DLG2: variants seen among roughly 807,000 people sequenced by gnomAD.
DLG2 encodes the protein discs large MAGUK scaffold protein 2, also known as disks large homolog 2.
In DLG2, 45 loss-of-function variants were observed where a neutral mutation model predicts 132.5. That is an observed-to-expected ratio of 0.34 (90% CI 0.27 to 0.44). DLG2 has a LOEUF of 0.44. Ranked by LOEUF, DLG2 falls within the 20% of genes least tolerant of loss-of-function variation. DLG2 has a pLI of 1.00. For missense variants in DLG2, 1,045 were observed against 1,196.9 expected (o/e 0.87, Z 1.87); for synonymous variants, 424 against 419.6 (o/e 1.01, Z -0.13).
intron 6 of DLG2, among the ~76,000 whole-genome samples, chr11:84,951,838 AATAT>A (rs2050970620): frequency 6.6e-6 from 1 of 152,026 alleles, no homozygotes; most frequent in Non-Finnish European, 1.5e-5. Flanking sequence ...ATCATTCTGA[AATAT>A]ATATAGGCAT....
intron 6 of DLG2, among the ~76,000 whole-genome samples, chr11:85,018,019 G>C (rs1222906337): frequency 6.6e-6 from 1 of 152,174 alleles, no homozygotes; most frequent in Non-Finnish European, 1.5e-5. Flanking sequence ...TGGAAAATAT[G>C]TGAGATACCC....
At chr11:84,036,722 T>A (rs1349492423) in intron 11 of DLG2, among the ~76,000 whole-genome samples, 1 of 152,178 alleles carries the variant, frequency 6.6e-6, no homozygotes, top group East Asian at 1.9e-4. Context: ...AACTTGTGAA[T>A]TACAATAACA....
chr11:84,126,883 A>G (rs1318561060), intron 9 of DLG2, among the ~76,000 whole-genome samples: 1 of 152,184 alleles, frequency 6.6e-6, no homozygotes, highest in Admixed American at 6.5e-5. Flanking sequence ...AATTCCTTGT[A>G]CAATGTTGGG....
intron 21 of DLG2, among the ~76,000 whole-genome samples, chr11:83,522,228 T>G (rs2095499403): frequency 6.6e-6 from 1 of 152,164 alleles, no homozygotes; most frequent in African/African-American, 2.4e-5. Flanking sequence ...TCACATGGAG[T>G]AGGCTCTCCC....
intron 8 of DLG2, among the ~76,000 whole-genome samples, chr11:84,164,961 T>C (rs1049961643): frequency 1.3e-5 from 2 of 152,218 alleles, no homozygotes; most frequent in South Asian, 2.1e-4. Context: ...AGCAGCTTTC[T>C]AGAGGGTTTT....
At chr11:84,269,000 G>A (rs1263884647) in intron 7 of DLG2, among the ~76,000 whole-genome samples, 1 of 147,502 alleles carries the variant, frequency 6.8e-6, no homozygotes, top group East Asian at 2.0e-4. Flanking sequence ...TTGGGAGGAT[G>A]TTTTATTTCT....
At chr11:85,015,149 G>T (rs1413208409) in intron 6 of DLG2, among the ~76,000 whole-genome samples, 1 of 152,138 alleles carries the variant, frequency 6.6e-6, no homozygotes, top group East Asian at 1.9e-4. Context: ...CCAAAATTGT[G>T]TGCAATTGAT....
chr11:84,165,665 T>C (rs925707407), intron 8 of DLG2, among the ~76,000 whole-genome samples: 7 of 152,008 alleles, frequency 4.6e-5, no homozygotes, highest in African/African-American at 1.7e-4. Context: ...TTTGGGAGGC[T>C]GATGCAGGCA....
Position 84,283,912 on chromosome 11 carries a change from T to A in DLG2, c.520-32621A>T, listed in dbSNP as rs1334143551. 6.6e-5 allele frequency among the ~76,000 whole-genome samples: 10 copies of A among 152,094 alleles called. No homozygotes were observed. The East Asian group carries it at 1.9e-3, about 29-fold the overall frequency. On this transcript the variant is annotated intron_variant, in intron 7 of 27. Transcript: ENST00000376104. ...CAGGATTTTCTGTATTAAAAAGATC[T>A]ATGGTGAATTCAGCCATGACTCTTA...
At chr11:84,701,808 C>G (rs2059253990) in intron 6 of DLG2, among the ~76,000 whole-genome samples, 1 of 151,630 alleles carries the variant, frequency 6.6e-6, no homozygotes, top group African/African-American at 2.4e-5. Context: ...AAGCCCCGAA[C>G]AGTGCCTTCA....
intron 6 of DLG2, among the ~76,000 whole-genome samples, chr11:84,721,507 T>G (rs555593338): frequency 4.0e-5 from 6 of 151,710 alleles, no homozygotes; most frequent in Non-Finnish European, 7.4e-5. Context: ...TTGTTTGTTT[T>G]TTTGTTTTTA....
At chr11:84,048,342 AC>A (rs1004185405) in intron 11 of DLG2, among the ~76,000 whole-genome samples, 2 of 151,532 alleles carry the variant, frequency 1.3e-5, no homozygotes, top group Non-Finnish European at 3.0e-5. Flanking sequence ...TTCCTTGTGT[AC>A]CCCAGGGAAC....
chr11:84,162,778 T>C (rs939682626), intron 9 of DLG2, among the ~76,000 whole-genome samples: 1 of 152,206 alleles, frequency 6.6e-6, no homozygotes, highest in Non-Finnish European at 1.5e-5. Context: ...TCTCATTGTC[T>C]TCCTTTGTTC....
At chr11:85,461,641 T>C (rs1240025926) in intron 3 of DLG2, among the ~76,000 whole-genome samples, 1 of 152,196 alleles carries the variant, frequency 6.6e-6, no homozygotes, top group Non-Finnish European at 1.5e-5. Context: ...TACTCCTTGA[T>C]CTTTATCTTT....
At chr11:84,228,757 G>C (rs1056720823) in intron 8 of DLG2, among the ~76,000 whole-genome samples, 8 of 152,140 alleles carry the variant, frequency 5.3e-5, no homozygotes, top group African/African-American at 1.9e-4. Context: ...CCCTACTACT[G>C]CTTATGCTAA....
intron 3 of DLG2, among the ~76,000 whole-genome samples, chr11:85,440,191 A>T (rs992595878): frequency 7.2e-5 from 11 of 152,240 alleles, no homozygotes; most frequent in Non-Finnish European, 1.3e-4. Flanking sequence ...ATTAACCATT[A>T]TCATTTTTAA....
At chr11:83,760,490 G>A (rs1440862462) in intron 18 of DLG2, among the ~76,000 whole-genome samples, 1 of 151,284 alleles carries the variant, frequency 6.6e-6, no homozygotes, top group East Asian at 1.9e-4. Flanking sequence ...TTGGAGCTGG[G>A]ATTACAGGTG....
chr11:83,469,080 A>G, intron 25 of DLG2, 121 bp downstream of exon 25: 2 of 747,246 alleles, frequency 2.7e-6, no homozygotes. Flanking sequence ...GATGTTTTAA[A>G]TTATTAAATC....
rs140851732 is a variant in DLG2 at position 84,744,627 on chromosome 11, T to C, written c.358-209896A>G. On this transcript the variant is annotated intron_variant, in intron 6 of 27. Transcript: ENST00000376104. ...TGAAATACTAAGCTAAAATGAAAAA[T>C]GCAGAAGCAAAGTCAAATTCCCACC... Among the ~76,000 whole-genome samples the C allele has an allele frequency of 9.5e-4, 145 of 152,186 alleles. No homozygotes were observed. In the Middle Eastern group the frequency reaches 0.01, roughly 11 times the overall value.
Sources: allele counts gnomAD v4.1 joint callset (sites outside exome capture counted in the v4.1 genomes callset), GRCh38; gene constraint gnomAD v4.1.1; transcripts MANE v1.5; gene names NCBI Gene and HGNC (gene_info 2026-07-23, HGNC 2026-07-21).